The following ERC2 variants were observed in gnomAD, a reference collection of about 807,000 sequenced individuals.
ERC2 encodes the protein ELKS/RAB6-interacting/CAST family member 2.
ERC2 carries 42 observed loss-of-function variants against 114.8 expected under a neutral mutation model. That is an observed-to-expected ratio of 0.37 (90% confidence interval 0.29 to 0.47). The LOEUF is 0.47. Ranked by LOEUF, ERC2 falls within the 20% of genes least tolerant of loss-of-function variation. The pLI is 0.99. For missense variants in ERC2, 939 were observed against 1,150.7 expected (o/e 0.82, Z 2.66); for synonymous variants, 454 against 425.5 (o/e 1.07, Z -0.82).
chr3:56,410,421 T>C (rs142875466), intron 2 of ERC2, among the ~76,000 whole-genome samples: 122 of 152,360 alleles, frequency 8.0e-4, no homozygotes, highest in African/African-American at 2.7e-3. Context: ...CCTGTAATAA[T>C]AACTAACATT....
At chr3:56,414,480 T>G (rs563751619) in intron 2 of ERC2, among the ~76,000 whole-genome samples, 1 of 152,244 alleles carries the variant, frequency 6.6e-6, no homozygotes, top group Non-Finnish European at 1.5e-5. Context: ...CCCCGCACTT[T>G]GGGAGGCCGA....
chr3:55,961,451 C>G (rs1043453369), intron 12 of ERC2, among the ~76,000 whole-genome samples: 11 of 152,120 alleles, frequency 7.2e-5, no homozygotes, highest in African/African-American at 2.4e-4. Context: ...CACACCATGC[C>G]TGTCTTGCCA....
At chr3:55,888,292 T>C (rs2149319037) in intron 14 of ERC2, 97 bp downstream of exon 14, 1 of 1,384,072 alleles carries the variant, frequency 7.2e-7, no homozygotes, top group Non-Finnish European at 9.8e-7. Flanking sequence ...ATTATTCTTT[T>C]TCTGAGCTCT....
chr3:55,641,042 G>A (rs1158912882), intron 17 of ERC2, among the ~76,000 whole-genome samples: 1 of 152,178 alleles, frequency 6.6e-6, no homozygotes, highest in Non-Finnish European at 1.5e-5. Flanking sequence ...CCATACATCT[G>A]GGGTGTCCAT....
At chr3:55,961,076 G>A (rs961068613) in intron 12 of ERC2, among the ~76,000 whole-genome samples, 5 of 152,246 alleles carry the variant, frequency 3.3e-5, no homozygotes, top group South Asian at 2.1e-4. Context: ...AGCCAAGATC[G>A]TGCCACTTCA....
chr3:56,083,202 T>C (rs2077329280), intron 6 of ERC2, among the ~76,000 whole-genome samples: 1 of 152,208 alleles, frequency 6.6e-6, no homozygotes, highest in Admixed American at 6.5e-5. Context: ...TGTTTTTATA[T>C]GGAATATTAT....
At chr3:55,625,811 C>T (rs569466852) in intron 17 of ERC2, among the ~76,000 whole-genome samples, 2 of 152,262 alleles carry the variant, frequency 1.3e-5, no homozygotes, top group South Asian at 4.1e-4. Flanking sequence ...GATTACCTGC[C>T]CATTTTAAGC....
At chr3:56,174,761 T>C (rs1032686172) in intron 3 of ERC2, among the ~76,000 whole-genome samples, 7 of 152,014 alleles carry the variant, frequency 4.6e-5, no homozygotes, top group African/African-American at 1.7e-4. Flanking sequence ...GGGTGGATCA[T>C]GAGGTCAGAA....
chr3:55,672,418 T>C (rs543250025), intron 17 of ERC2, among the ~76,000 whole-genome samples: 1 of 151,454 alleles, frequency 6.6e-6, no homozygotes, highest in Non-Finnish European at 1.5e-5. Flanking sequence ...ACTACTATAG[T>C]GGAAGGAGTA....
chr3:56,011,942 T>C (rs1213241571), intron 8 of ERC2, among the ~76,000 whole-genome samples: 9 of 152,220 alleles, frequency 5.9e-5, no homozygotes, highest in Non-Finnish European at 1.3e-4. Context: ...CAATAATTTA[T>C]ATATCTAATG....
chr3:56,336,729 G>A (rs1251102496), intron 2 of ERC2, among the ~76,000 whole-genome samples: 1 of 152,160 alleles, frequency 6.6e-6, no homozygotes, highest in Non-Finnish European at 1.5e-5. Flanking sequence ...GGGAGGCGGT[G>A]GAAGTTGCAG....
intron 3 of ERC2, among the ~76,000 whole-genome samples, chr3:56,197,217 G>A (rs1027270976): frequency 1.3e-5 from 2 of 152,138 alleles, no homozygotes; most frequent in African/African-American, 4.8e-5. Context: ...GTGGCCTCGG[G>A]CAAGTAACTT....
intron 8 of ERC2, among the ~76,000 whole-genome samples, chr3:56,011,630 CACACACAT>C (rs1461965932): frequency 2.6e-5 from 4 of 151,866 alleles, no homozygotes; most frequent in African/African-American, 7.3e-5. Context: ...CACACACACA[CACACACAT>C]GCACACGAAA....
chr3:56,032,863 G>A, intron 7 of ERC2, among the ~76,000 whole-genome samples: 1 of 35,858 alleles, frequency 2.8e-5, no homozygotes, highest in East Asian at 1.6e-3. Context: ...AGAAAGGAAA[G>A]AAAGAAAGAA....
At chr3:56,029,089 G>A (rs537540906) in intron 7 of ERC2, among the ~76,000 whole-genome samples, 1 of 151,952 alleles carries the variant, frequency 6.6e-6, no homozygotes, top group African/African-American at 2.4e-5. Flanking sequence ...TTTATACTGT[G>A]GATTATAATA....
At chr3:56,463,634 A>G (rs765955127) in intron 1 of ERC2, among the ~76,000 whole-genome samples, 2 of 152,222 alleles carry the variant, frequency 1.3e-5, no homozygotes, top group Non-Finnish European at 2.9e-5. Context: ...TAACTGCCCA[A>G]TAGAAGTTAA....
intron 17 of ERC2, among the ~76,000 whole-genome samples, chr3:55,652,745 G>A (rs2060683963): frequency 1.3e-5 from 2 of 151,404 alleles, no homozygotes; most frequent in South Asian, 4.2e-4. Context: ...GTGATGGCAG[G>A]TGCCTGTAAT....
At chr3:55,845,641 C>T (rs1254564856) in intron 14 of ERC2, among the ~76,000 whole-genome samples, 1 of 151,796 alleles carries the variant, frequency 6.6e-6, no homozygotes, top group Non-Finnish European at 1.5e-5. Context: ...TAGCAATTTT[C>T]ACTCTTAAAC....
At chr3:55,612,176 C>T (rs945887875) in intron 17 of ERC2, among the ~76,000 whole-genome samples, 4 of 152,136 alleles carry the variant, frequency 2.6e-5, no homozygotes, top group South Asian at 2.1e-4. Flanking sequence ...ATGAGTTGTG[C>T]GTTTTTTGGT....
Sources: gnomAD v4.1 joint callset for allele counts (sites outside exome capture counted in the v4.1 genomes callset) on GRCh38, gnomAD v4.1.1 for gene constraint, MANE v1.5 for transcripts, NCBI Gene and HGNC (gene_info 2026-07-23, HGNC 2026-07-21) for gene names.